The following XRCC2 variants were observed in gnomAD, a reference collection of about 807,000 sequenced individuals.
The protein encoded by XRCC2 is DNA repair protein XRCC2.
Under a neutral mutation model 27.3 loss-of-function variants are expected in XRCC2, and 24 were observed. The observed-to-expected ratio is 0.88, with a 90% CI of 0.64 to 1.24. XRCC2 has a LOEUF of 1.24. XRCC2 is among the 50% of genes most tolerant of loss of function. XRCC2 has a pLI of 0.00. For synonymous variants in XRCC2, 106 were observed against 115.4 expected, an observed-to-expected ratio of 0.92 and a Z score of 0.52; for missense variants, 321 against 325.8, an observed-to-expected ratio of 0.99 and a Z score of 0.11.
rs1273924300 is a variant in XRCC2 at position 152,657,011 on chromosome 7, C to G, written c.121+3690G>C. Among the ~76,000 whole-genome samples, 4 of 151,766 alleles carry G rather than the reference C, an allele frequency of 2.6e-5. No homozygotes were observed. In the South Asian group the frequency reaches 8.3e-4, roughly 32 times the overall value. ...CAACACTTTGGGAGGCCAAGGTGGG[C>G]GAATCACCTGAGGTCAGGAGTTCAA... On this transcript the variant is annotated intron_variant, in intron 2 of 2. Transcript: ENST00000359321.
rs796696399 is a variant in XRCC2, at chr7:152,661,801, T to C, written c.40-1019A>G. Among the ~76,000 whole-genome samples, 8 of 152,282 alleles carry C rather than the reference T, an allele frequency of 5.3e-5. 1 individual carries two copies. The highest frequency in any genetic ancestry group is 1.9e-4 in the African/African-American group (8 of 41,550). On this transcript the variant is annotated intron_variant, in intron 1 of 2. Transcript: ENST00000359321. ...GTGTGACACTAAGCACTGAGAAGTATTTAGAACATAGTTAAGAGTAGACAT... is the reference window on the plus strand; with the variant it reads ...GTGTGACACTAAGCACTGAGAAGTACTTAGAACATAGTTAAGAGTAGACAT...
At chr7:152,660,122 T>C (rs1180223014) in intron 2 of XRCC2, among the ~76,000 whole-genome samples, 1 of 152,144 alleles carries the variant, frequency 6.6e-6, no homozygotes, top group African/African-American at 2.4e-5. Flanking sequence ...AGTAGATTAG[T>C]AGTTGCCTAG....
rs781776971 is a variant in XRCC2, at chr7:152,676,115, T to A, written c.-36A>T. On this transcript the variant is annotated 5_prime_UTR_variant, in exon 1 of 3. Coordinates refer to ENST00000359321, the MANE Select transcript of XRCC2 (RefSeq NM_005431.2). ...GCTCGGCGCAGGAGAGACTCAACTT[T>A]CCCGCCACCAACGCCATTCACCAAC... The A allele has an allele frequency of 2.5e-6, 4 of 1,612,944 alleles. No homozygotes were observed. The highest frequency in any genetic ancestry group is 3.4e-6 in the Non-Finnish European group (4 of 1,179,678).
At chr7:152,653,600 C>T (rs1185106216) in intron 2 of XRCC2, among the ~76,000 whole-genome samples, 2 of 148,860 alleles carry the variant, frequency 1.3e-5, no homozygotes, top group African/African-American at 5.0e-5. Flanking sequence ...GCTGGGACCA[C>T]AGGTGTGTGC....
intron 1 of XRCC2, 36 bp downstream of exon 1, chr7:152,676,005 T>G (rs913908127): frequency 1.2e-6 from 2 of 1,613,136 alleles, no homozygotes; most frequent in Admixed American, 3.3e-5. Flanking sequence ...GCGGCCTTGT[T>G]CCCATCTCCC....
rs549581243 is a variant in XRCC2, at chr7:152,661,605, A to T, written c.40-823T>A. Reference sequence around the variant, plus strand: ...AGCAGCCACAGTGCAGAGGTTATAAATAGCATTGTGCATAGGGACACTGTG... The same window carrying T: ...AGCAGCCACAGTGCAGAGGTTATAATTAGCATTGTGCATAGGGACACTGTG... On this transcript the variant is annotated intron_variant, in intron 1 of 2. Transcript: ENST00000359321. Among the ~76,000 whole-genome samples, 44 of 152,294 alleles carry T rather than the reference A, an allele frequency of 2.9e-4. No homozygotes were observed. The East Asian group carries it at 8.1e-3, about 28-fold the overall frequency.
intron 1 of XRCC2, among the ~76,000 whole-genome samples, chr7:152,664,983 G>A (rs551620746): frequency 4.0e-5 from 6 of 151,266 alleles, no homozygotes; most frequent in African/African-American, 1.5e-4. Flanking sequence ...AGACCAGTAC[G>A]GGAAAATTGC....
At position 152,647,129 on chromosome 7, in the gene XRCC2, G is replaced by A. The variant is rs143592960; in HGVS notation, c.*1513C>T. The A allele has an allele frequency of 1.3e-5, 2 of 152,122 alleles. No individual in the cohort carries two copies. The highest frequency in any genetic ancestry group is 2.4e-5 in the African/African-American group (1 of 41,422). 9.4% of individuals were successfully genotyped at this position (152,122 alleles called of 1,614,324 possible). On this transcript the variant is annotated 3_prime_UTR_variant, in exon 3 of 3. Transcript: ENST00000359321. ...TGGTGTGAGATGGTATCTCGTTGTT[G>A]TTTCGATTTGCATTTCTCTAATGAT...
rs1333110186 is a variant in XRCC2, at chr7:152,645,830, T to G, written c.*2812A>C. ...CTACTTTGGAGGCTGAGGTGGAGGC[T>G]CACTGGAACCCAGGAGTTCGAGGCT... On this transcript the variant is annotated 3_prime_UTR_variant, in exon 3 of 3. Coordinates refer to ENST00000359321, the MANE Select transcript of XRCC2 (RefSeq NM_005431.2). The G allele has an allele frequency of 1.3e-5, 2 of 152,184 alleles. No individual in the cohort carries two copies. The highest frequency in any genetic ancestry group is 4.8e-5 in the African/African-American group (2 of 41,430). 9.4% of individuals were successfully genotyped at this position (152,184 alleles called of 1,614,324 possible). A position where few individuals can be genotyped will look rare whatever the true frequency, so the allele number is the denominator to read the frequency against.
intron 1 of XRCC2, among the ~76,000 whole-genome samples, chr7:152,667,932 G>A (rs2098036658): frequency 1.3e-5 from 2 of 151,296 alleles, no homozygotes; most frequent in Admixed American, 6.6e-5. Context: ...GGAGGCTGAG[G>A]CAGGAGAATC....
chr7:152,660,135 C>A (rs2098032451), intron 2 of XRCC2, among the ~76,000 whole-genome samples: 1 of 152,134 alleles, frequency 6.6e-6, no homozygotes, highest in South Asian at 2.1e-4. Flanking sequence ...TTGCCTAGAG[C>A]TGGGGAACAT....
chr7:152,671,196 C>T (rs1048037450), intron 1 of XRCC2, among the ~76,000 whole-genome samples: 2 of 151,992 alleles, frequency 1.3e-5, no homozygotes, highest in Admixed American at 1.3e-4. Flanking sequence ...GCCTGGGCGA[C>T]AGAGTAAGAC....
At chr7:152,663,498 T>C (rs915733187) in intron 1 of XRCC2, among the ~76,000 whole-genome samples, 9 of 152,180 alleles carry the variant, frequency 5.9e-5, no homozygotes, top group Non-Finnish European at 1.3e-4. Context: ...TTTTTGTCCT[T>C]GGCTCCTGAG....
chr7:152,662,658 C>T (rs376447545), intron 1 of XRCC2, among the ~76,000 whole-genome samples: 201 of 145,086 alleles, frequency 1.4e-3, no homozygotes, highest in African/African-American at 4.8e-3. Flanking sequence ...CTGCAAGCTC[C>T]GCCTCCCGGG....
chr7:152,666,183 T>A (rs376658857), intron 1 of XRCC2, among the ~76,000 whole-genome samples: 1 of 152,170 alleles, frequency 6.6e-6, no homozygotes, highest in Admixed American at 6.6e-5. Flanking sequence ...TGGACACATA[T>A]AACATAAAGA....
intron 1 of XRCC2, among the ~76,000 whole-genome samples, chr7:152,665,525 T>TC (rs1237169807): frequency 7.2e-6 from 1 of 139,854 alleles, no homozygotes; most frequent in African/African-American, 2.7e-5. Context: ...AGGGTCTTAC[T>TC]CCCGTCACCC....
intron 1 of XRCC2, among the ~76,000 whole-genome samples, chr7:152,675,037 T>G (rs985643408): frequency 2.6e-5 from 4 of 152,058 alleles, no homozygotes; most frequent in Non-Finnish European, 5.9e-5. Flanking sequence ...CAAAAATGTT[T>G]GCTGACTCTT....
At chr7:152,671,272 A>G (rs190561156) in intron 1 of XRCC2, among the ~76,000 whole-genome samples, 2 of 152,286 alleles carry the variant, frequency 1.3e-5, no homozygotes, top group East Asian at 3.9e-4. Flanking sequence ...GAGAAAGCGT[A>G]AGAATAGTAC....
chr7:152,665,742 A>G (rs763245055), intron 1 of XRCC2, among the ~76,000 whole-genome samples: 2 of 152,046 alleles, frequency 1.3e-5, no homozygotes, highest in Non-Finnish European at 2.9e-5. Context: ...TTGGCCTCCC[A>G]AAGTGCTGGA....
Sources: gnomAD v4.1 joint callset for allele counts (sites outside exome capture counted in the v4.1 genomes callset) on GRCh38, gnomAD v4.1.1 for gene constraint, MANE v1.5 for transcripts, NCBI Gene and HGNC (gene_info 2026-07-23, HGNC 2026-07-21) for gene names.